FCRL3: variants seen among roughly 807,000 people sequenced by gnomAD.
FCRL3 encodes Fc receptor like 3.
In FCRL3, 89 loss-of-function variants were observed where a neutral mutation model predicts 75.0. The ratio of observed to expected loss-of-function variants is 1.19; its 90% CI spans 1.00 to 1.42. The LOEUF (loss-of-function observed/expected upper bound fraction) is 1.42, where lower values mean the gene tolerates loss of function less well. FCRL3 is among the 40% of genes most tolerant of loss of function. The pLI is 0.00. For missense variants in FCRL3, 946 were observed against 880.0 expected (o/e 1.07, Z -0.95); for synonymous variants, 376 against 348.5 (o/e 1.08, Z -0.88).
chr1:157,684,829 T>A (rs930343715), intron 10 of FCRL3, among the ~76,000 whole-genome samples: 1 of 152,158 alleles, frequency 6.6e-6, no homozygotes, highest in Non-Finnish European at 1.5e-5. Context: ...TCATTCCTTT[T>A]AGGAGTGATT....
Position 157,680,730 on chromosome 1 carries a change from C to T in FCRL3, c.1998G>A (p.Trp666Ter). 1 of 1,614,056 alleles carries T rather than the reference C, an allele frequency of 6.2e-7. No individual in the cohort carries two copies. Among genetic ancestry groups the T allele is most frequent in the East Asian group, 2.2e-5 (1 of 44,876 alleles). ...GDSNPIYSQI[W>*]SIQHTKENSA... The stretch of plus-strand genomic sequence containing the variant: ...AGTTTTCTTTTGTATGCTGGATGCT[C>T]CAGATCTGGGAATAAATCGGGTTGC... Residue 666 changes from tryptophan (W) to a stop codon, truncating the protein, a stop_gained, in exon 13 of 15, where the codon TGG becomes TGA. Transcript: ENST00000368184. LOFTEE classifies it high-confidence loss of function.
chr1:157,687,790 G>A (rs1260138769), intron 10 of FCRL3, among the ~76,000 whole-genome samples: 2 of 151,628 alleles, frequency 1.3e-5, no homozygotes, highest in African/African-American at 4.8e-5. Context: ...CTAGATGGGG[G>A]AGATGGGGAG....
intron 13 of FCRL3, 38 bp downstream of exon 13, chr1:157,680,664 C>T (rs1183749964): frequency 3.8e-6 from 6 of 1,577,756 alleles, no homozygotes; most frequent in Non-Finnish European, 4.4e-6. Context: ...CAATAAAACA[C>T]TGCCACCTCA....
chr1:157,678,615 G>A lies in FCRL3; in HGVS notation c.*95C>T, dbSNP rs932878734. 45 of 1,565,326 alleles carry A rather than the reference G, an allele frequency of 2.9e-5. No individual in the cohort carries two copies. Among genetic ancestry groups the A allele is most frequent in the Non-Finnish European group, 3.9e-5 (45 of 1,163,114 alleles). On this transcript the variant is annotated 3_prime_UTR_variant, in exon 15 of 15. Coordinates refer to ENST00000368184, the MANE Select transcript of FCRL3 (RefSeq NM_052939.4). ...CATACCCTGCAGCCCAGCCTCGTAG[G>A]AGGCAGAGTCTGGAGAGATGGATGA...
In FCRL3 at chr1:157,695,643, C is replaced by T. The variant is rs375355456; in HGVS notation, c.1133-36G>A. The T allele has an allele frequency of 3.3e-5, 51 of 1,559,114 alleles. No homozygotes were observed. In the African/African-American group the frequency reaches 5.1e-4, roughly 15 times the overall value. The stretch of plus-strand genomic sequence containing the variant: ...CAAAAGGGCTGTCAGAGGATTCTGA[C>T]GTTGTGACAGATGCACAACCTCTCT... On this transcript the variant is annotated intron_variant, in intron 7 of 14. Coordinates refer to ENST00000368184, the MANE Select transcript of FCRL3 (RefSeq NM_052939.4).
Position 157,697,792 on chromosome 1 carries a change from A to C in FCRL3, c.426T>G (p.Asn142Lys). 1 of 1,614,138 alleles carries C rather than the reference A, an allele frequency of 6.2e-7. No homozygotes were observed. The highest frequency in any genetic ancestry group is 8.5e-7 in the Non-Finnish European group (1 of 1,180,020). Residue 142 changes from asparagine (N) to lysine (K), a missense_variant, in exon 5 of 15, where the codon AAT becomes AAG. Asn to Lys is a moderately conservative substitution (Grantham distance 94). Coordinates refer to ENST00000368184, the MANE Select transcript of FCRL3 (RefSeq NM_052939.4). ...VYYKDGKQLPNSYNLEKITVN... is the reference protein window; with the variant it reads ...VYYKDGKQLPKSYNLEKITVN... ...CTGTGATCTTCTCTAAATTATAACT[A>C]TTAGGAAGCTGTTTTCCATCCTTGT...
chr1:157,680,255 C>T (rs1389702382), intron 13 of FCRL3, among the ~76,000 whole-genome samples: 1 of 152,162 alleles, frequency 6.6e-6, no homozygotes, highest in Non-Finnish European at 1.5e-5. Flanking sequence ...GAATGGGTGT[C>T]ATTGAGGGCA....
rs1655881321 is a variant in FCRL3, at chr1:157,696,081, T to C, written c.1091A>G (p.His364Arg). Reference sequence around the variant, plus strand: ...AATCCACGTGCTGAGGATGGGGCTGTGAACGTTATCAGCTGCACAGTAGTA... The same window carrying C: ...AATCCACGTGCTGAGGATGGGGCTGCGAACGTTATCAGCTGCACAGTAGTA... ...GRYYCAADNV[H>R]SPILSTWIRV... Residue 364 changes from histidine (H) to arginine (R), a missense_variant, in exon 7 of 15, where the codon CAC (histidine) becomes CGC (arginine). Physicochemically the swap from His to Arg is conservative, Grantham distance 29 (BLOSUM62 0). Transcript: ENST00000368184. 1 of 1,613,166 alleles carries C rather than the reference T, an allele frequency of 6.2e-7. No individual in the cohort carries two copies. The highest frequency in any genetic ancestry group is 1.1e-5 in the South Asian group (1 of 91,002).
chr1:157,687,260 G>T (rs1655230730), intron 10 of FCRL3, among the ~76,000 whole-genome samples: 1 of 150,302 alleles, frequency 6.7e-6, no homozygotes, highest in African/African-American at 2.4e-5. Flanking sequence ...CAGTCAGAAT[G>T]GCTATTACTT....
chr1:157,700,086 G>A (rs1656218751), intron 2 of FCRL3, among the ~76,000 whole-genome samples: 1 of 152,188 alleles, frequency 6.6e-6, no homozygotes, highest in Non-Finnish European at 1.5e-5. Context: ...CTAGAAAACA[G>A]TGATGTTTCT....
At chr1:157,690,911 T>C (rs948081877) in intron 8 of FCRL3, among the ~76,000 whole-genome samples, 1 of 152,178 alleles carries the variant, frequency 6.6e-6, no homozygotes, top group African/African-American at 2.4e-5. Context: ...GAGACTTCCA[T>C]ACCTATCTAA....
Position 157,695,553 on chromosome 1 carries a change from A to G in FCRL3, c.1187T>C (p.Val396Ala), listed in dbSNP as rs1306900164. The change falls in exon 8 of 15, where the codon GTG becomes GCG. Residue 396 changes from valine to alanine, a missense_variant. Val to Ala is a moderately conservative substitution (Grantham distance 64). Transcript: ENST00000368184. ...ACAGTGAAGCTCCAGCAGGTCCCCC[A>G]CCACAGTGTGGGCCCTGGGAGCCCT... The part of the protein sequence containing the change: ...TFRAPRAHTV[V>A]GDLLELHCES... 6.2e-7 allele frequency: 1 copy of G among 1,614,046 alleles called. No homozygotes were observed. Among genetic ancestry groups the G allele is most frequent in the Non-Finnish European group, 8.5e-7 (1 of 1,179,944 alleles).
At chr1:157,689,176 CA>C (rs1462904869) in intron 10 of FCRL3, among the ~76,000 whole-genome samples, 1 of 152,064 alleles carries the variant, frequency 6.6e-6, no homozygotes, top group Non-Finnish European at 1.5e-5. Context: ...TAAGCAAGAA[CA>C]AGAAGTAAAA....
In FCRL3 at chr1:157,681,730, T is replaced by C. The variant is rs570497048; in HGVS notation, c.1839-631A>G. Reference sequence around the variant, plus strand: ...GTATGCATGTGTCTTTATAGCAGGATGATTTATAATCCTTTGGGTATATAC... The same window carrying C: ...GTATGCATGTGTCTTTATAGCAGGACGATTTATAATCCTTTGGGTATATAC... On this transcript the variant is annotated intron_variant, in intron 11 of 14. Coordinates refer to ENST00000368184, the MANE Select transcript of FCRL3 (RefSeq NM_052939.4). Among the ~76,000 whole-genome samples the C allele has an allele frequency of 3.9e-5, 6 of 152,286 alleles. No individual in the cohort carries two copies. The South Asian group carries it at 1.2e-3, about 32-fold the overall frequency.
At chr1:157,686,745 A>G (rs1381086892) in intron 10 of FCRL3, among the ~76,000 whole-genome samples, 1 of 152,122 alleles carries the variant, frequency 6.6e-6, no homozygotes, top group Admixed American at 6.5e-5. Context: ...TATTCAGAAA[A>G]CTGAAACTAG....
Position 157,678,716 on chromosome 1 carries a change from G to A in FCRL3, c.2199C>T (p.Asp733=). The change falls in exon 15 of 15, where the codon GAC becomes GAT. Residue 733 remains aspartate (D), a synonymous_variant. Coordinates refer to ENST00000368184, the MANE Select transcript of FCRL3 (RefSeq NM_052939.4). ...ENVPRVLLAS[D]H is the part of the protein sequence containing the mutation. Reference sequence around the variant, plus strand: ...GGCCACTCTGGGTAAGGGGCTAGTGGTCTGAGGCCAGTAATACACGTGGTA... The same window carrying A: ...GGCCACTCTGGGTAAGGGGCTAGTGATCTGAGGCCAGTAATACACGTGGTA... The A allele has an allele frequency of 5.0e-6, 8 of 1,613,342 alleles. No individual in the cohort carries two copies. Among genetic ancestry groups the A allele is most frequent in the Non-Finnish European group, 5.9e-6 (7 of 1,179,950 alleles).
chr1:157,697,244 A>C lies in FCRL3; in HGVS notation c.740T>G (p.Ile247Ser), dbSNP rs752828046. Residue 247 changes from isoleucine to serine, a missense_variant, in exon 6 of 15, where the codon ATC becomes AGC. By Grantham distance (142) the Ile-to-Ser change is moderately radical. Coordinates refer to ENST00000368184, the MANE Select transcript of FCRL3 (RefSeq NM_052939.4). Reference protein sequence around the residue: ...LGWSRSPRLQIPAMWTEDSGS... With the variant: ...LGWSRSPRLQSPAMWTEDSGS... ...TGAGTCTTCAGTCCACATGGCAGGG[A>C]TCTGGAGTCTGGGGGACCTGCTCCA... 2 of 1,609,832 alleles carry C rather than the reference A, an allele frequency of 1.2e-6. No homozygotes were observed. Among genetic ancestry groups the C allele is most frequent in the Non-Finnish European group, 1.7e-6 (2 of 1,177,588 alleles).
rs775741944 is a variant in FCRL3, at chr1:157,690,459, G to C, written c.1486C>G (p.His496Asp). The C allele has an allele frequency of 1.2e-6, 2 of 1,614,254 alleles. No individual in the cohort carries two copies. The highest frequency in any genetic ancestry group is 1.7e-6 in the Non-Finnish European group (2 of 1,180,034). Residue 496 changes from histidine (H) to aspartate (D), a missense_variant, in exon 9 of 15, where the codon CAC becomes GAC. Coordinates refer to ENST00000368184, the MANE Select transcript of FCRL3 (RefSeq NM_052939.4). ...QAVVGDLLEL[H>D]CESLRGSFPI... The stretch of plus-strand genomic sequence containing the variant: ...AAGGAGCCTCTCAGGGACTCACAGT[G>C]AAGCTCCAGCAGGTCCCCCACCACA...
chr1:157,695,419 G>C lies in FCRL3; in HGVS notation c.1321C>G (p.Leu441Val), dbSNP rs1655817266. The C allele has an allele frequency of 1.9e-6, 3 of 1,614,110 alleles. No homozygotes were observed. Among genetic ancestry groups the C allele is most frequent in the Non-Finnish European group, 2.5e-6 (3 of 1,180,024 alleles). The change falls in exon 8 of 15, where the codon CTG becomes GTG. Residue 441 changes from leucine to valine, a missense_variant. Leu to Val is a conservative substitution (Grantham distance 32, BLOSUM62 1). Coordinates refer to ENST00000368184, the MANE Select transcript of FCRL3 (RefSeq NM_052939.4). ...TAGTTTCCAGAATGTTCTGCAGTCA[G>C]AGAGAGGTTGAAGGAGGCTCCTCCT... Reference protein sequence around the residue: ...SGGGASFNLSLTAEHSGNYSC... With the variant: ...SGGGASFNLSVTAEHSGNYSC...
Sources: gnomAD v4.1 joint callset for allele counts (sites outside exome capture counted in the v4.1 genomes callset) on GRCh38, gnomAD v4.1.1 for gene constraint, MANE v1.5 for transcripts, NCBI Gene and HGNC (gene_info 2026-07-23, HGNC 2026-07-21) for gene names.